The following SLF2 variants were observed in gnomAD, a reference collection of about 807,000 sequenced individuals.
SLF2 encodes the protein SMC5/6 complex localization factor 2.
Under a neutral mutation model 124.3 loss-of-function variants are expected in SLF2, and 68 were observed. The observed-to-expected ratio is 0.55, with a 90% CI of 0.45 to 0.67. The LOEUF is 0.67. Among genes scored for constraint, SLF2 ranks in the 30% least tolerant of loss-of-function variants. The pLI, the probability that SLF2 is intolerant of heterozygous loss-of-function variation, is 0.00. For missense variants in SLF2, 1,246 were observed against 1,373.7 expected, an observed-to-expected ratio of 0.91 and a Z score of 1.47; for synonymous variants, 480 against 478.8, an observed-to-expected ratio of 1.00 and a Z score of -0.03.
At chr10:100,941,540 T>C (rs191371956) in intron 11 of SLF2, among the ~76,000 whole-genome samples, 274 of 152,302 alleles carry the variant, frequency 1.8e-3, no homozygotes, top group Middle Eastern at 3.4e-3. Context: ...TCCAGGGCCT[T>C]TCCACCTGCA....
chr10:100,938,316 C>T (rs141060990), intron 10 of SLF2, among the ~76,000 whole-genome samples: 264 of 152,188 alleles, frequency 1.7e-3, no homozygotes, highest in African/African-American at 5.8e-3. Context: ...GGGATTTTAT[C>T]AGTGGTATTT....
chr10:100,944,264 G>A, intron 12 of SLF2, 136 bp downstream of exon 12: 1 of 511,758 alleles, frequency 2.0e-6, no homozygotes, highest in South Asian at 3.0e-5. Flanking sequence ...GGGAGGCCAG[G>A]GCGGGCAGAT....
chr10:100,922,102 G>A (rs1371457425), intron 4 of SLF2, among the ~76,000 whole-genome samples: 1 of 152,020 alleles, frequency 6.6e-6, no homozygotes, highest in African/African-American at 2.4e-5. Flanking sequence ...TACTCATTTT[G>A]ATTCAAGGTC....
chr10:100,962,902 C>T lies in SLF2; in HGVS notation c.*990C>T, dbSNP rs1294136192. ...ATCTTGAAGTTGTTGCACTTCAAAA[C>T]CACAGCTGCTGTAAATTCTTAAACA... On this transcript the variant is annotated 3_prime_UTR_variant, in exon 20 of 20. Coordinates refer to ENST00000238961, the MANE Select transcript of SLF2 (RefSeq NM_018121.4). The T allele has an allele frequency of 6.6e-6, 1 of 152,174 alleles. No homozygotes were observed. The highest frequency in any genetic ancestry group is 6.6e-5 in the Admixed American group (1 of 15,222). The allele number at this position is 152,174 out of a possible 1,614,324, so 9.4% of individuals were successfully genotyped here.
chr10:100,916,418 A>G lies in SLF2; in HGVS notation c.185-152A>G, dbSNP rs138171831. On this transcript the variant is annotated intron_variant, in intron 2 of 19. Transcript: ENST00000238961. ...CTCTTAATTTCTCCTATACCCCCCA[A>G]TAAAGTGTGTATCATTATCCAAGTT... 85 of 492,274 alleles carry G rather than the reference A, an allele frequency of 1.7e-4. No individual in the cohort carries two copies. In the East Asian group the frequency reaches 3.2e-3, roughly 19 times the overall value. The allele number at this position is 492,274 out of a possible 1,614,324, so 30.5% of individuals were successfully genotyped here. A position where few individuals can be genotyped will look rare whatever the true frequency, so the allele number is the denominator to read the frequency against.
chr10:100,917,544 A>C (rs554302686), intron 3 of SLF2, among the ~76,000 whole-genome samples: 30 of 152,258 alleles, frequency 2.0e-4, no homozygotes, highest in African/African-American at 6.5e-4. Flanking sequence ...TTTTAGTCAG[A>C]AAAGTAAGCA....
At chr10:100,944,494 CAAAAAAAAAAAA>C (rs34072572) in intron 12 of SLF2, among the ~76,000 whole-genome samples, 1 of 100,662 alleles carries the variant, frequency 9.9e-6, no homozygotes, top group South Asian at 3.3e-4. Context: ...GACTCTGTCT[CAAAAAAAAAAAA>C]AAAAAAAACT....
At chr10:100,941,281 A>G (rs1849971626) in intron 11 of SLF2, among the ~76,000 whole-genome samples, 1 of 152,200 alleles carries the variant, frequency 6.6e-6, no homozygotes, top group South Asian at 2.1e-4. Context: ...AAATATTTAG[A>G]TAGAGAAAAT....
chr10:100,953,385 C>G (rs926231610), intron 17 of SLF2, among the ~76,000 whole-genome samples: 3 of 150,856 alleles, frequency 2.0e-5, no homozygotes, highest in African/African-American at 7.3e-5. Flanking sequence ...GTAATCCCAG[C>G]ACTTTGGGAG....
At chr10:100,921,470 C>A (rs1291538037) in intron 4 of SLF2, among the ~76,000 whole-genome samples, 1 of 152,130 alleles carries the variant, frequency 6.6e-6, no homozygotes, top group African/African-American at 2.4e-5. Flanking sequence ...AACTGTAAAA[C>A]AAATATTCTC....
chr10:100,928,037 C>A (rs1156421385), intron 6 of SLF2, among the ~76,000 whole-genome samples: 1 of 40,802 alleles, frequency 2.5e-5, no homozygotes, highest in Admixed American at 2.0e-4. Context: ...GAACACCCCC[C>A]CCCCCCCCCA....
rs912696898 is a variant in SLF2 at position 100,952,055 on chromosome 10, C to G, written c.3330+1302C>G. On this transcript the variant is annotated intron_variant, in intron 17 of 19. Coordinates refer to ENST00000238961, the MANE Select transcript of SLF2 (RefSeq NM_018121.4). ...GGTCAGAAGTTCAAGACCAGCCTGG[C>G]CAGCATGGTGAAACCCCGTCTCTAC... 3.3e-5 allele frequency among the ~76,000 whole-genome samples: 5 copies of G among 152,052 alleles called. No homozygotes were observed. In the East Asian group the frequency reaches 9.7e-4, roughly 29 times the overall value.
chr10:100,929,986 ACTTATT>A lies in SLF2; in HGVS notation c.2327_2332del (p.Ile776_Leu777del), dbSNP rs1849698857. The A allele has an allele frequency of 1.2e-5, 18 of 1,521,862 alleles. No homozygotes were observed. Among genetic ancestry groups the A allele is most frequent in the Non-Finnish European group, 1.5e-5 (17 of 1,134,926 alleles). 94.3% of individuals were successfully genotyped at this position (1,521,862 alleles called of 1,614,324 possible). A position where few individuals can be genotyped will look rare whatever the true frequency, so the allele number is the denominator to read the frequency against. ...TTATTGGACAAAGTGCTGTAGAAAA[ACTTATT>A]CTTAAGTAAGTAGAAAAATAGACAT... On this transcript the variant is annotated inframe_deletion, in exon 8 of 20. Transcript: ENST00000238961.
intron 12 of SLF2, 134 bp downstream of exon 12, chr10:100,944,262 A>G (rs980623517): frequency 4.5e-4 from 233 of 512,646 alleles, no homozygotes; most frequent in Admixed American, 1.5e-3. Flanking sequence ...TTGGGAGGCC[A>G]GGGCGGGCAG....
intron 15 of SLF2, among the ~76,000 whole-genome samples, chr10:100,949,096 C>T (rs982747946): frequency 2.6e-5 from 4 of 152,126 alleles, no homozygotes; most frequent in African/African-American, 4.8e-5. Flanking sequence ...GAAGCATGCA[C>T]GAGATGCTGT....
intron 18 of SLF2, among the ~76,000 whole-genome samples, chr10:100,958,731 A>G (rs756173117): frequency 6.6e-6 from 1 of 152,252 alleles, no homozygotes; most frequent in Non-Finnish European, 1.5e-5. Flanking sequence ...AGTTTACTTT[A>G]TAAATTTAAA....
At chr10:100,956,653 G>GA in intron 18 of SLF2, 116 bp downstream of exon 18, 1 of 705,106 alleles carries the variant, frequency 1.4e-6, no homozygotes, top group Non-Finnish European at 2.3e-6. Flanking sequence ...GGCTAGGCAT[G>GA]GTGGCTCATG....
At chr10:100,943,978 T>C in intron 11 of SLF2, 48 bp from the exon 12 acceptor site, 1 of 1,224,388 alleles carries the variant, frequency 8.2e-7, no homozygotes, top group Non-Finnish European at 1.2e-6. Context: ...TAAAGTGAGT[T>C]ATATATTTTG....
chr10:100,919,104 C>T (rs553824284), intron 4 of SLF2, among the ~76,000 whole-genome samples: 5 of 150,340 alleles, frequency 3.3e-5, no homozygotes, highest in South Asian at 4.2e-4. Flanking sequence ...CTCCGCCTCC[C>T]GGGTTCACAC....
Sources: allele counts gnomAD v4.1 joint callset (sites outside exome capture counted in the v4.1 genomes callset), GRCh38; gene constraint gnomAD v4.1.1; transcripts MANE v1.5; gene names NCBI Gene and HGNC (gene_info 2026-07-23, HGNC 2026-07-21).